Variants in TGDS observed in about 807,000 individuals in gnomAD.
TGDS encodes UDP-D-glucose 4,6-dehydratase.
In TGDS, 47 loss-of-function variants were observed where a neutral mutation model predicts 52.3. The observed-to-expected ratio is 0.90, with a 90% CI of 0.71 to 1.15. The LOEUF is 1.15. Among genes scored for constraint, TGDS ranks in the 50% most tolerant of loss-of-function variants. The probability of loss-of-function intolerance (pLI) is 0.00; values close to 1 mark genes in which losing one functional copy is unlikely to be tolerated. For synonymous variants in TGDS, 115 were observed against 136.9 expected, an observed-to-expected ratio of 0.84 and a Z score of 1.12; for missense variants, 375 against 418.4, an observed-to-expected ratio of 0.90 and a Z score of 0.90.
intron 7 of TGDS, chr13:94,579,549 CA>C (rs1848179424): frequency 6.0e-6 from 1 of 166,478 alleles, no homozygotes; most frequent in Admixed American, 6.4e-5. Context: ...GGTCTGACTG[CA>C]AACAGGGAGT....
intron 4 of TGDS, among the ~76,000 whole-genome samples, chr13:94,590,306 CA>C (rs146097567): frequency 0.011 from 1,630 of 150,788 alleles, 35 homozygotes; most frequent in African/African-American, 0.037. Context: ...AAAGTGTAGA[CA>C]AAAGCAAAGG....
At chr13:94,580,493 G>A (rs1888751501) in intron 6 of TGDS, among the ~76,000 whole-genome samples, 1 of 152,090 alleles carries the variant, frequency 6.6e-6, no homozygotes, top group East Asian at 1.9e-4. Flanking sequence ...ATGGGGTAAG[G>A]CTCCCATACT....
chr13:94,596,023 C>A (rs1287512998), intron 1 of TGDS, 28 bp downstream of exon 1: 1 of 1,613,614 alleles, frequency 6.2e-7, no homozygotes, highest in East Asian at 2.2e-5. Context: ...TGGGGAGCCA[C>A]TGCTTGGCTA....
At position 94,583,188 on chromosome 13, in the gene TGDS, C is replaced by A; in HGVS notation, c.362G>T (p.Gly121Val). 2 of 1,613,876 alleles carry A rather than the reference C, an allele frequency of 1.2e-6. No homozygotes were observed. The highest frequency in any genetic ancestry group is 1.7e-6 in the Non-Finnish European group (2 of 1,179,934). ...AFEFTYVNVY[G>V]THVLVSAAHE... ...AGCAGCACTTACCAAAACGTGAGTG[C>A]CATAAACATTAACATAGGTAAACTC... Residue 121 changes from glycine to valine, a missense_variant, in exon 5 of 12, where the codon GGC becomes GTC. Transcript: ENST00000261296.
chr13:94,590,824 T>C, intron 4 of TGDS, 29 bp downstream of exon 4: 2 of 1,517,804 alleles, frequency 1.3e-6, no homozygotes, highest in Non-Finnish European at 1.8e-6. Context: ...GAACTGCCAA[T>C]CATAACTGTA....
intron 4 of TGDS, among the ~76,000 whole-genome samples, chr13:94,589,736 C>T (rs757653707): frequency 1.3e-5 from 2 of 152,048 alleles, no homozygotes; most frequent in Non-Finnish European, 2.9e-5. Context: ...CATGAGAAAC[C>T]ACTACACAGC....
At chr13:94,592,881 G>C (rs933372464) in intron 2 of TGDS, among the ~76,000 whole-genome samples, 1 of 152,158 alleles carries the variant, frequency 6.6e-6, no homozygotes. Flanking sequence ...TCCTAGCTGG[G>C]GGTGGTGGCT....
chr13:94,577,961 A>G (rs760054919), intron 9 of TGDS, 44 bp downstream of exon 9: 1 of 1,583,860 alleles, frequency 6.3e-7, no homozygotes, highest in South Asian at 1.2e-5. Flanking sequence ...GGTCACTGCC[A>G]CTAACAATTT....
chr13:94,577,670 T>C (rs988609371), intron 9 of TGDS, among the ~76,000 whole-genome samples: 1 of 152,230 alleles, frequency 6.6e-6, no homozygotes, highest in African/African-American at 2.4e-5. Context: ...AGATTTAAAA[T>C]TGATGTCCCC....
At chr13:94,575,625 G>C (rs1888576197) in intron 11 of TGDS, among the ~76,000 whole-genome samples, 1 of 151,930 alleles carries the variant, frequency 6.6e-6, no homozygotes, top group Admixed American at 6.6e-5. Context: ...ATTTTATATT[G>C]CTATACTATC....
intron 11 of TGDS, among the ~76,000 whole-genome samples, chr13:94,575,339 G>C (rs1190711132): frequency 1.4e-5 from 2 of 142,978 alleles, no homozygotes; most frequent in Non-Finnish European, 3.0e-5. Flanking sequence ...ACCCAGACTA[G>C]AGTGTAGTGG....
At position 94,577,991 on chromosome 13, in the gene TGDS, AAACAG is replaced by A. The variant is rs768179511; in HGVS notation, c.825+9_825+13del. 4 of 1,608,042 alleles carry A rather than the reference AAACAG, an allele frequency of 2.5e-6. No homozygotes were observed. The East Asian group carries it at 9.0e-5, about 36-fold the overall frequency. ...CAATTTTGAAAATACCAACCTTTTA[AAACAG>A]ATACATACCAGTTGTATTAGTTCTT... is the stretch of plus-strand genomic sequence containing the variant. On this transcript the variant is annotated intron_variant, in intron 9 of 11. Coordinates refer to ENST00000261296, the MANE Select transcript of TGDS (RefSeq NM_014305.4).
At chr13:94,586,485 A>G (rs562007679) in intron 4 of TGDS, among the ~76,000 whole-genome samples, 1 of 152,228 alleles carries the variant, frequency 6.6e-6, no homozygotes, top group African/African-American at 2.4e-5. Context: ...AACATCATTA[A>G]CCAACTTAAC....
In TGDS at chr13:94,581,083, G is replaced by T; in HGVS notation, c.555+8C>A. 1 of 1,483,966 alleles carries T rather than the reference G, an allele frequency of 6.7e-7. No individual in the cohort carries two copies. Among genetic ancestry groups the T allele is most frequent in the Non-Finnish European group, 9.1e-7 (1 of 1,097,938 alleles). The allele number at this position is 1,483,966 out of a possible 1,614,324, so 91.9% of individuals were successfully genotyped here. On this transcript the variant is annotated splice_region_variant and intron_variant, in intron 6 of 11. Coordinates refer to ENST00000261296, the MANE Select transcript of TGDS (RefSeq NM_014305.4). ...AATGTTTCAAGAGTTTCTGCAATCAGTTCTTACCTTATATTGTTCCCAGTA... is the reference window on the plus strand; with the variant it reads ...AATGTTTCAAGAGTTTCTGCAATCATTTCTTACCTTATATTGTTCCCAGTA...
intron 6 of TGDS, among the ~76,000 whole-genome samples, chr13:94,580,749 C>T (rs182283647): frequency 2.0e-4 from 31 of 152,308 alleles, no homozygotes; most frequent in African/African-American, 5.1e-4. Context: ...ACGAAGAGGT[C>T]GGCCCTAATT....
chr13:94,596,185 C>T (rs1313751013), upstream of TGDS: 1 of 1,577,778 alleles, frequency 6.3e-7, no homozygotes, highest in African/African-American at 1.4e-5. Flanking sequence ...GTCTGAAAAG[C>T]GCAGGGAAGT....
chr13:94,575,038 T>C lies in TGDS; in HGVS notation c.983-186A>G, dbSNP rs376570178. ...AACAATGAAGTCAATCAGAAGACAT[T>C]TAAATCACCTAAAAAATTTATGATT... On this transcript the variant is annotated intron_variant, in intron 11 of 11. Coordinates refer to ENST00000261296, the MANE Select transcript of TGDS (RefSeq NM_014305.4). Among the ~76,000 whole-genome samples the C allele has an allele frequency of 3.3e-5, 5 of 152,232 alleles. No individual in the cohort carries two copies. The South Asian group carries it at 8.3e-4, about 25-fold the overall frequency.
intron 4 of TGDS, among the ~76,000 whole-genome samples, chr13:94,590,045 T>G (rs1889134412): frequency 6.6e-6 from 1 of 151,694 alleles, no homozygotes; most frequent in Non-Finnish European, 1.5e-5. Context: ...ACAGTGTATG[T>G]GTATATATGT....
rs747159931 is a variant in TGDS, at chr13:94,579,971, C to T, written c.556-18G>A. Reference sequence around the variant, plus strand: ...ACTGGAAACTTAAAAGAATATCCAACATTAAGGCTTTTAAAAAGGTCTAAT... The same window carrying T: ...ACTGGAAACTTAAAAGAATATCCAATATTAAGGCTTTTAAAAAGGTCTAAT... On this transcript the variant is annotated intron_variant, in intron 6 of 11. Transcript: ENST00000261296. 1.3e-6 allele frequency: 2 copies of T among 1,538,272 alleles called. No homozygotes were observed. The highest frequency in any genetic ancestry group is 1.2e-5 in the South Asian group (1 of 84,866).
Sources: gnomAD v4.1 joint callset for allele counts (sites outside exome capture counted in the v4.1 genomes callset) on GRCh38, gnomAD v4.1.1 for gene constraint, MANE v1.5 for transcripts, NCBI Gene and HGNC (gene_info 2026-07-23, HGNC 2026-07-21) for gene names.